Variants in NRAP observed in about 807,000 individuals in gnomAD.
NRAP encodes the protein nebulin related anchoring protein.
In NRAP, 189 loss-of-function variants were observed where a neutral mutation model predicts 225.9. The observed-to-expected ratio is 0.84, with a 90% CI of 0.74 to 0.94. NRAP has a LOEUF of 0.94. Ranked by LOEUF, NRAP falls within the 40% of genes least tolerant of loss-of-function variation. NRAP has a pLI of 0.00. For missense variants in NRAP, 2,176 were observed against 2,168.7 expected (o/e 1.00, Z -0.07); for synonymous variants, 769 against 790.7 (o/e 0.97, Z 0.46).
chr10:113,628,324 A>G (rs1848395059), intron 20 of NRAP, among the ~76,000 whole-genome samples: 1 of 152,102 alleles, frequency 6.6e-6, no homozygotes, highest in Admixed American at 6.5e-5. Flanking sequence ...AGTAGCTGGG[A>G]TTACAGGCAC....
intron 14 of NRAP, among the ~76,000 whole-genome samples, chr10:113,636,964 G>T (rs1314248226): frequency 7.3e-6 from 1 of 137,030 alleles, no homozygotes; most frequent in East Asian, 2.2e-4. Flanking sequence ...CCACGATCAT[G>T]CCACTGCTCT....
In NRAP at chr10:113,659,761, A is replaced by G. The variant is rs562307956; in HGVS notation, c.256-2187T>C. On this transcript the variant is annotated intron_variant, in intron 3 of 41. Coordinates refer to ENST00000359988, the MANE Select transcript of NRAP (RefSeq NM_198060.4). ...ATTTATTTATTTTTCAAAGGGTGAC[A>G]TTTAGGAGACAAAAAACCTGCAAAT... Among the ~76,000 whole-genome samples, 4 of 152,330 alleles carry G rather than the reference A, an allele frequency of 2.6e-5. No homozygotes were observed. The South Asian group carries it at 8.3e-4, about 32-fold the overall frequency.
At chr10:113,655,310 T>C (rs1246262809) in intron 4 of NRAP, among the ~76,000 whole-genome samples, 3 of 152,176 alleles carry the variant, frequency 2.0e-5, no homozygotes, top group Non-Finnish European at 4.4e-5. Flanking sequence ...AGCAACTTTG[T>C]TTTTTCATTA....
Position 113,657,594 on chromosome 10 carries a change from T to C in NRAP, c.256-20A>G, listed in dbSNP as rs371115724. On this transcript the variant is annotated intron_variant, in intron 3 of 41. Coordinates refer to ENST00000359988, the MANE Select transcript of NRAP (RefSeq NM_198060.4). Reference sequence around the variant, plus strand: ...ATGGATCTGCTCAAGGAAGATGTTGTCAGTAATGTTTCCATCAGAAAAGAG... The same window carrying C: ...ATGGATCTGCTCAAGGAAGATGTTGCCAGTAATGTTTCCATCAGAAAAGAG... 1 of 1,297,572 alleles carries C rather than the reference T, an allele frequency of 7.7e-7. No homozygotes were observed. The highest frequency in any genetic ancestry group is 1.1e-6 in the Non-Finnish European group (1 of 894,278). The allele number at this position is 1,297,572 out of a possible 1,614,324, so 80.4% of individuals were successfully genotyped here.
intron 25 of NRAP, 124 bp from the exon 26 acceptor site, chr10:113,617,677 C>T (rs1847751251): frequency 2.9e-6 from 2 of 681,714 alleles, no homozygotes; most frequent in Non-Finnish European, 2.7e-6. Flanking sequence ...ATTCTGCTTC[C>T]TCCATCTTTA....
In NRAP at chr10:113,598,024, G is replaced by T. The variant is rs751612141; in HGVS notation, c.4277C>A (p.Ala1426Glu). 1.2e-6 allele frequency: 2 copies of T among 1,613,742 alleles called. No individual in the cohort carries two copies. Among genetic ancestry groups the T allele is most frequent in the Non-Finnish European group, 1.7e-6 (2 of 1,179,944 alleles). The change falls in exon 36 of 42, where the codon GCG becomes GAG. Residue 1426 changes from alanine (A) to glutamate (E), a missense_variant. Coordinates refer to ENST00000359988, the MANE Select transcript of NRAP (RefSeq NM_198060.4). ...ACTCTCCATCTGTGGGGATCTCAGC[G>T]CCAGCCATCCTATGCCCTTCATGCC... is the stretch of plus-strand genomic sequence containing the variant. ...LIGMKGIGWL[A>E]LRSPQMESAK...
intron 7 of NRAP, among the ~76,000 whole-genome samples, chr10:113,651,343 T>C (rs1849952458): frequency 6.6e-6 from 1 of 152,204 alleles, no homozygotes; most frequent in Non-Finnish European, 1.5e-5. Flanking sequence ...ATTAATTTAA[T>C]TTAATTTAAG....
chr10:113,614,613 A>G (rs1847534554), intron 28 of NRAP, among the ~76,000 whole-genome samples: 1 of 152,148 alleles, frequency 6.6e-6, no homozygotes, highest in African/African-American at 2.4e-5. Flanking sequence ...TCATCTGCCC[A>G]GGGTCTATGT....
At chr10:113,639,491 G>A (rs752517691) in intron 14 of NRAP, among the ~76,000 whole-genome samples, 1 of 152,186 alleles carries the variant, frequency 6.6e-6, no homozygotes, top group Non-Finnish European at 1.5e-5. Flanking sequence ...ATAAATATAC[G>A]CTGAATTATT....
rs752904219 is a variant in NRAP, at chr10:113,614,203, C to T, written c.3280G>A (p.Ala1094Thr). 1 of 1,613,328 alleles carries T rather than the reference C, an allele frequency of 6.2e-7. No homozygotes were observed. The highest frequency in any genetic ancestry group is 8.5e-7 in the Non-Finnish European group (1 of 1,179,216). The change falls in exon 29 of 42, where the codon GCG becomes ACG. Residue 1094 changes from alanine to threonine, a missense_variant. Ala to Thr is a moderately conservative substitution (Grantham distance 58, BLOSUM62 0). This residue lies in a region of NRAP where 1,708 missense variants were observed against 1,695.5 expected (regional missense o/e 1.01). Coordinates refer to ENST00000359988, the MANE Select transcript of NRAP (RefSeq NM_198060.4). ...CTTACATCACTCTGCAGTGAGGTCG[C>T]ATACACTGAATGTGCAAGGCTGATA... The part of the protein sequence containing the change: ...DDISLAHSVY[A>T]TSLQSDVNYK...
chr10:113,629,819 G>T, intron 18 of NRAP, 34 bp from the exon 19 acceptor site: 1 of 1,428,754 alleles, frequency 7.0e-7, no homozygotes, highest in Non-Finnish European at 9.9e-7. Context: ...CGTTTTGTTA[G>T]TTGAAGCCCA....
intron 40 of NRAP, 93 bp downstream of exon 40, chr10:113,590,485 C>A: frequency 7.8e-7 from 1 of 1,285,856 alleles, no homozygotes; most frequent in Non-Finnish European, 1.1e-6. Flanking sequence ...CCCAGCTCCC[C>A]CAGAAGCTAA....
rs1848477949 is a variant in NRAP, at chr10:113,629,714, C to G, written c.1914G>C (p.Arg638Ser). ...FHLPMDMVNI[R>S]HAKKAQTLAS... ...CGAGAGTTTGGGCCTTCTTAGCATG[C>G]CTGATGTTTACCATATCCATGGGCA... Residue 638 changes from arginine to serine, a missense_variant, in exon 19 of 42, where the codon AGG becomes AGC. Around this residue, in one of 3 missense-constraint regions of NRAP, gnomAD observed 1,708 missense variants for 1,695.5 expected, o/e 1.01. Coordinates refer to ENST00000359988, the MANE Select transcript of NRAP (RefSeq NM_198060.4). 2 of 1,613,874 alleles carry G rather than the reference C, an allele frequency of 1.2e-6. No homozygotes were observed. Among genetic ancestry groups the G allele is most frequent in the South Asian group, 1.1e-5 (1 of 91,066 alleles).
At position 113,617,480 on chromosome 10, in the gene NRAP, C is replaced by A; in HGVS notation, c.2948G>T (p.Arg983Ile). The A allele has an allele frequency of 6.2e-7, 1 of 1,608,422 alleles. No homozygotes were observed. Among genetic ancestry groups the A allele is most frequent in the Non-Finnish European group, 8.5e-7 (1 of 1,174,836 alleles). Reference protein sequence around the residue: ...IKDTPEMVQARISYTQAVDRL... With the variant: ...IKDTPEMVQAIISYTQAVDRL... The stretch of plus-strand genomic sequence containing the variant: ...ATCCACTGCTTGGGTATAACTAATT[C>A]TGGCCTGGACCATCTCCGGAGTGTC... The change falls in exon 26 of 42, where the codon AGA (arginine) becomes ATA (isoleucine). Residue 983 changes from arginine to isoleucine, a missense_variant. By Grantham distance (97) the Arg-to-Ile change is moderately conservative. Transcript: ENST00000359988.
At chr10:113,638,663 A>G (rs1849018362) in intron 14 of NRAP, among the ~76,000 whole-genome samples, 1 of 152,220 alleles carries the variant, frequency 6.6e-6, no homozygotes, top group Admixed American at 6.5e-5. Flanking sequence ...ACTAGGGCAG[A>G]ATGTCTCAGG....
At chr10:113,652,543 C>T (rs1174981017) in intron 6 of NRAP, among the ~76,000 whole-genome samples, 3 of 151,370 alleles carry the variant, frequency 2.0e-5, no homozygotes, top group Admixed American at 6.6e-5. Context: ...ACTCGGGAGG[C>T]TGAGGCAGGA....
intron 6 of NRAP, among the ~76,000 whole-genome samples, chr10:113,652,190 G>A (rs1285969258): frequency 2.0e-5 from 3 of 152,148 alleles, no homozygotes; most frequent in Non-Finnish European, 4.4e-5. Context: ...CTTTACAAAC[G>A]AGAAGCCAAG....
At chr10:113,593,466 TC>T (rs1413107984) in intron 38 of NRAP, among the ~76,000 whole-genome samples, 2 of 152,062 alleles carry the variant, frequency 1.3e-5, no homozygotes, top group African/African-American at 4.8e-5. Context: ...CACCTTCACC[TC>T]CATCCTCGCC....
In NRAP at chr10:113,645,844, A is replaced by G. The variant is rs1322160760; in HGVS notation, c.1091T>C (p.Val364Ala). ...DNLVLKQAQS[V>A]NKLVSEVEYK... ...ACGCACCTCACTCACGAGTTTGTTT[A>G]CGCTCTGAGCCTGTTTGAGAACCAA... Residue 364 changes from valine (V) to alanine (A), a missense_variant, in exon 11 of 42, where the codon GTA (valine) becomes GCA (alanine). Transcript: ENST00000359988. The G allele has an allele frequency of 1.9e-6, 3 of 1,598,470 alleles. No homozygotes were observed. Among genetic ancestry groups the G allele is most frequent in the East Asian group, 2.2e-5 (1 of 44,774 alleles).
Sources: allele counts gnomAD v4.1 joint callset (sites outside exome capture counted in the v4.1 genomes callset), GRCh38; gene constraint gnomAD v4.1.1; regional missense constraint gnomAD v4.1.1; transcripts MANE v1.5; gene names NCBI Gene and HGNC (gene_info 2026-07-23, HGNC 2026-07-21).